Variants in TCP11 observed in about 807,000 individuals in gnomAD.
The protein encoded by TCP11 is T-complex protein 11 homolog.
Under a neutral mutation model 45.0 loss-of-function variants are expected in TCP11, and 34 were observed. That is an observed-to-expected ratio of 0.76 (90% CI 0.57 to 1.01). The LOEUF is 1.01. TCP11 is among the 50% of genes least tolerant of loss of function. The pLI is 0.00. For missense variants in TCP11, 523 were observed against 598.1 expected, an observed-to-expected ratio of 0.87 and a Z score of 1.31; for synonymous variants, 227 against 227.0, an observed-to-expected ratio of 1.00 and a Z score of 0.00.
chr6:35,121,258 T>G (rs564497890), intron 5 of TCP11, among the ~76,000 whole-genome samples: 2 of 152,238 alleles, frequency 1.3e-5, no homozygotes, highest in South Asian at 4.2e-4. Context: ...CCTTGAAGCC[T>G]TCAGTCTAGA....
At position 35,123,444 on chromosome 6, in the gene TCP11, C is replaced by G. The variant is rs1277981502; in HGVS notation, c.358-1107G>C. Among the ~76,000 whole-genome samples the G allele has an allele frequency of 6.3e-5, 8 of 126,878 alleles. No homozygotes were observed. The South Asian group carries it at 1.9e-3, about 30-fold the overall frequency. The allele number at this position is 126,878 out of a possible 152,430, so 83.2% of individuals were successfully genotyped here. The stretch of plus-strand genomic sequence containing the variant: ...GGACAAATTGCTGTACCTGAACCAC[C>G]CACCATTAAAAAAAAGGCATAACAC... On this transcript the variant is annotated intron_variant, in intron 4 of 9. Transcript: ENST00000311875.
intron 3 of TCP11, among the ~76,000 whole-genome samples, chr6:35,130,543 C>G (rs1480585961): frequency 6.6e-6 from 1 of 152,002 alleles, no homozygotes; most frequent in African/African-American, 2.4e-5. Context: ...AGGCCAAAGA[C>G]CTTAACAGAC....
In TCP11 at chr6:35,132,182, G is replaced by A. The variant is rs118095824; in HGVS notation, c.237-3000C>T. Among the ~76,000 whole-genome samples, 14 of 152,200 alleles carry A rather than the reference G, an allele frequency of 9.2e-5. No homozygotes were observed. The East Asian group carries it at 1.7e-3, about 19-fold the overall frequency. On this transcript the variant is annotated intron_variant, in intron 3 of 9. Coordinates refer to ENST00000311875, the MANE Select transcript of TCP11 (RefSeq NM_001370687.1). ...ACCTTGGGCTCAGCCATTGCAAGTC[G>A]CTTGTAAAGAACATACCATGTTCTA...
rs913121073 is a variant in TCP11 at position 35,137,082 on chromosome 6, TTTCTC to T, written c.125-869_125-865del. Among the ~76,000 whole-genome samples, 232 of 57,008 alleles carry T rather than the reference TTTCTC, an allele frequency of 4.1e-3. 4 individuals are homozygous for T. The highest frequency in any genetic ancestry group is 0.016 in the African/African-American group (215 of 13,570). The allele number at this position is 57,008 out of a possible 152,430, so 37.4% of individuals were successfully genotyped here. A position where few individuals can be genotyped will look rare whatever the true frequency, so the allele number is the denominator to read the frequency against. On this transcript the variant is annotated intron_variant, in intron 2 of 9. Coordinates refer to ENST00000311875, the MANE Select transcript of TCP11 (RefSeq NM_001370687.1). The stretch of plus-strand genomic sequence containing the variant: ...CAGGAAGTGAAACAGATGAAAAACT[TTTCTC>T]TTAAAAAGTAAAATCGTATTTATAG...
intron 4 of TCP11, among the ~76,000 whole-genome samples, chr6:35,123,383 G>C (rs1779487859): frequency 6.6e-6 from 1 of 152,084 alleles, no homozygotes; most frequent in Non-Finnish European, 1.5e-5. Context: ...AGTTTCAGTG[G>C]TCAGGAGCTT....
intron 4 of TCP11, among the ~76,000 whole-genome samples, chr6:35,124,655 C>T (rs1169844705): frequency 6.6e-6 from 1 of 151,872 alleles, no homozygotes; most frequent in Admixed American, 6.6e-5. Flanking sequence ...GATACACAGA[C>T]CAAAAGAATA....
chr6:35,134,190 C>A (rs933294131), intron 3 of TCP11, among the ~76,000 whole-genome samples: 7 of 151,958 alleles, frequency 4.6e-5, no homozygotes, highest in Non-Finnish European at 8.8e-5. Context: ...TTCCAGGATC[C>A]CCCTCGGAAA....
chr6:35,129,807 C>T (rs994232739), intron 3 of TCP11, among the ~76,000 whole-genome samples: 1 of 152,132 alleles, frequency 6.6e-6, no homozygotes, highest in Non-Finnish European at 1.5e-5. Context: ...CAGGGTCTCA[C>T]TCTGTTGCTC....
At chr6:35,127,142 G>A (rs1437906470) in intron 4 of TCP11, among the ~76,000 whole-genome samples, 1 of 152,178 alleles carries the variant, frequency 6.6e-6, no homozygotes, top group African/African-American at 2.4e-5. Context: ...TGGTTCCAAT[G>A]AAACAGAAGA....
At chr6:35,139,016 C>T (rs1457252376) in intron 2 of TCP11, among the ~76,000 whole-genome samples, 2 of 152,030 alleles carry the variant, frequency 1.3e-5, no homozygotes, top group East Asian at 1.9e-4. Flanking sequence ...GGTGAAACCC[C>T]GTCTCTCCTA....
intron 2 of TCP11, among the ~76,000 whole-genome samples, chr6:35,138,318 C>T (rs1781337558): frequency 6.6e-6 from 1 of 152,108 alleles, no homozygotes; most frequent in African/African-American, 2.4e-5. Flanking sequence ...TTATGATAGC[C>T]AAGATTTGGA....
At chr6:35,135,238 T>C (rs1780936667) in intron 3 of TCP11, among the ~76,000 whole-genome samples, 1 of 151,848 alleles carries the variant, frequency 6.6e-6, no homozygotes, top group Admixed American at 6.6e-5. Flanking sequence ...ATGGGCACCA[T>C]CTCTCACACA....
At chr6:35,121,075 C>A in intron 5 of TCP11, 30 bp from the exon 6 acceptor site, 1 of 1,575,038 alleles carries the variant, frequency 6.3e-7, no homozygotes, top group South Asian at 1.2e-5. Flanking sequence ...AATATTTATA[C>A]TACTAAGCTA....
intron 3 of TCP11, among the ~76,000 whole-genome samples, chr6:35,130,797 A>T (rs1193937886): frequency 2.6e-5 from 4 of 152,236 alleles, no homozygotes; most frequent in Non-Finnish European, 5.9e-5. Flanking sequence ...TTTGGAAGGC[A>T]GCTGGGCAGT....
chr6:35,118,883 A>G (rs1308360357), intron 9 of TCP11, among the ~76,000 whole-genome samples: 1 of 152,122 alleles, frequency 6.6e-6, no homozygotes, highest in Non-Finnish European at 1.5e-5. Context: ...CTATAGGAAC[A>G]TGTCTTCCAG....
At position 35,119,317 on chromosome 6, in the gene TCP11, A is replaced by G; in HGVS notation, c.1190T>C (p.Leu397Pro). 3 of 1,614,206 alleles carry G rather than the reference A, an allele frequency of 1.9e-6. No homozygotes were observed. The highest frequency in any genetic ancestry group is 1.1e-5 in the South Asian group (1 of 91,080). The change falls in exon 9 of 10, where the codon CTT becomes CCT. Residue 397 changes from leucine to proline, a missense_variant. Leu to Pro is a moderately conservative substitution (Grantham distance 98). Around this residue, in one of 2 missense-constraint regions of TCP11, gnomAD observed 298 missense variants for 387.9 expected, o/e 0.77. Transcript: ENST00000311875. The stretch of plus-strand genomic sequence containing the variant: ...TGTATTATCACTGCTTAGAGCAACA[A>G]GGCCCATATTCTTGAGGCTTTGATG... ...EIHQSLKNMGLVALSSDNTAS... is the reference protein window; with the variant it reads ...EIHQSLKNMGPVALSSDNTAS...
At chr6:35,141,074 C>CA in intron 1 of TCP11, 131 bp downstream of exon 1, 1 of 1,232,152 alleles carries the variant, frequency 8.1e-7, no homozygotes. Context: ...CGCTGGGCGG[C>CA]AACGAGGAAA....
intron 5 of TCP11, among the ~76,000 whole-genome samples, chr6:35,121,407 T>C (rs983692578): frequency 6.6e-6 from 1 of 151,970 alleles, no homozygotes; most frequent in Non-Finnish European, 1.5e-5. Flanking sequence ...AACTGCTTTT[T>C]TTTTTTTTTT....
Position 35,119,238 on chromosome 6 carries a change from G to A in TCP11, c.1269C>T (p.Cys423=), listed in dbSNP as rs145005247. Residue 423 remains cysteine, a synonymous_variant, in exon 9 of 10, where the codon TGC becomes TGT. Coordinates refer to ENST00000311875, the MANE Select transcript of TCP11 (RefSeq NM_001370687.1). ...CACAAGCATACTCACCAATAACACT[G>A]CAGACACAGTTCTCCTTCTTGGCAA... ...QNIAKKENCV[C]SVIDQRIHLF... 5 of 1,613,994 alleles carry A rather than the reference G, an allele frequency of 3.1e-6. No homozygotes were observed. In the African/African-American group the frequency reaches 5.3e-5, roughly 17 times the overall value.
Sources: gnomAD v4.1 joint callset for allele counts (sites outside exome capture counted in the v4.1 genomes callset) on GRCh38, gnomAD v4.1.1 for gene constraint, gnomAD v4.1.1 regional missense constraint, MANE v1.5 for transcripts, NCBI Gene and HGNC (gene_info 2026-07-23, HGNC 2026-07-21) for gene names.